Variants in ABCC10 observed in about 807,000 individuals in gnomAD.
ABCC10 encodes ATP-binding cassette sub-family C member 10.
Under a neutral mutation model 143.2 loss-of-function variants are expected in ABCC10, and 110 were observed. The observed-to-expected ratio is 0.77, with a 90% CI of 0.66 to 0.90. The LOEUF (loss-of-function observed/expected upper bound fraction) is 0.90, where lower values mean the gene tolerates loss of function less well. Ranked by LOEUF, ABCC10 falls within the 40% of genes least tolerant of loss-of-function variation. ABCC10 has a pLI of 0.00. For synonymous variants in ABCC10, 805 were observed against 846.7 expected (o/e 0.95, Z 0.85); for missense variants, 1,700 against 1,900.5 (o/e 0.89, Z 1.96).
At chr6:43,448,550 C>T (rs1581794775) in intron 18 of ABCC10, among the ~76,000 whole-genome samples, 5 of 152,332 alleles carry the variant, frequency 3.3e-5, no homozygotes, top group African/African-American at 7.2e-5. Flanking sequence ...TCATTCCCTG[C>T]GTAGCCACTG....
chr6:43,434,665 C>T lies in ABCC10; in HGVS notation c.1425C>T (p.Cys475=), dbSNP rs750202393. 1.1e-5 allele frequency: 18 copies of T among 1,613,966 alleles called. No homozygotes were observed. The highest frequency in any genetic ancestry group is 2.2e-5 in the East Asian group (1 of 44,896). The change falls in exon 4 of 22, where the codon TGC becomes TGT. Residue 475 remains cysteine (C), a synonymous_variant. Transcript: ENST00000372530. ...LLSGIRVIKF[C]GWEQALGARV... is the part of the protein sequence containing the mutation. ...GTGGCATTCGGGTCATCAAGTTCTG[C>T]GGGTGGGAGCAGGCACTGGGAGCCC... is the stretch of plus-strand genomic sequence containing the variant.
At chr6:43,448,662 C>T (rs575433109) in intron 18 of ABCC10, among the ~76,000 whole-genome samples, 3 of 152,224 alleles carry the variant, frequency 2.0e-5, no homozygotes, top group Admixed American at 2.0e-4. Flanking sequence ...CAGAGTCCAG[C>T]CTTTGGTTTC....
In ABCC10 at chr6:43,437,949, A is replaced by G. The variant is rs1007769128; in HGVS notation, c.1891A>G (p.Ile631Val). 2 of 1,613,174 alleles carry G rather than the reference A, an allele frequency of 1.2e-6. No individual in the cohort carries two copies. Among genetic ancestry groups the G allele is most frequent in the South Asian group, 1.1e-5 (1 of 90,664 alleles). Residue 631 changes from isoleucine (I) to valine (V), a missense_variant, in exon 7 of 22, where the codon ATC (isoleucine) becomes GTC (valine). Ile to Val is a conservative substitution (Grantham distance 29). Coordinates refer to ENST00000372530, the MANE Select transcript of ABCC10 (RefSeq NM_001198934.2). The part of the protein sequence containing the change: ...LEVKKGMLVG[I>V]VGKVGCGKSS... ...TTCCTTGCAGGGTATGCTGGTGGGCATCGTGGGGAAGGTCGGCTGTGGGAA... is the reference window on the plus strand; with the variant it reads ...TTCCTTGCAGGGTATGCTGGTGGGCGTCGTGGGGAAGGTCGGCTGTGGGAA...
intron 9 of ABCC10, 69 bp from the exon 10 acceptor site, chr6:43,442,901 G>A: frequency 7.2e-7 from 1 of 1,385,878 alleles, no homozygotes; most frequent in African/African-American, 1.5e-5. Flanking sequence ...TGTCTTCTCT[G>A]ATCACTTTGA....
chr6:43,440,092 G>A (rs948707699), intron 8 of ABCC10, among the ~76,000 whole-genome samples: 2 of 152,094 alleles, frequency 1.3e-5, no homozygotes, highest in South Asian at 4.1e-4. Context: ...GAGTAGCTGG[G>A]ACTACAGGTG....
rs1412106735 is a variant in ABCC10, at chr6:43,434,677, G to A, written c.1437G>A (p.Gln479=). The A allele has an allele frequency of 3.1e-6, 5 of 1,614,172 alleles. No homozygotes were observed. Among genetic ancestry groups the A allele is most frequent in the Middle Eastern group, 1.6e-4 (1 of 6,062 alleles). ...TCATCAAGTTCTGCGGGTGGGAGCA[G>A]GCACTGGGAGCCCGAGTAGAGGCCT... The part of the protein sequence containing the change: ...IRVIKFCGWE[Q]ALGARVEACR... The change falls in exon 4 of 22, where the codon CAG becomes CAA. Residue 479 remains glutamine (Q), a synonymous_variant. Coordinates refer to ENST00000372530, the MANE Select transcript of ABCC10 (RefSeq NM_001198934.2).
In ABCC10 at chr6:43,432,664, G is replaced by A; in HGVS notation, c.684G>A (p.Trp228Ter). The A allele has an allele frequency of 1.2e-6, 2 of 1,613,944 alleles. No individual in the cohort carries two copies. Among genetic ancestry groups the A allele is most frequent in the Non-Finnish European group, 1.7e-6 (2 of 1,180,022 alleles). ...GGCTGTCACGCTTTTCCTATGCCTGGCTGGCACCCTTGCTGGCCCGTGGGG... is the reference window on the plus strand; with the variant it reads ...GGCTGTCACGCTTTTCCTATGCCTGACTGGCACCCTTGCTGGCCCGTGGGG... ...ESWLSRFSYA[W>*]LAPLLARGAC... Residue 228 changes from tryptophan to a stop codon, truncating the protein, a stop_gained, in exon 3 of 22, where the codon TGG becomes TGA. Coordinates refer to ENST00000372530, the MANE Select transcript of ABCC10 (RefSeq NM_001198934.2). LOFTEE classifies it high-confidence loss of function.
Position 43,438,688 on chromosome 6 carries a change from T to C in ABCC10, c.2020T>C (p.Trp674Arg), listed in dbSNP as rs1782010159. ...KGFGLATQEPWIQFATIRDNI... is the reference protein window; with the variant it reads ...KGFGLATQEPRIQFATIRDNI... ...CTTTGGCCTGGCCACCCAGGAACCC[T>C]GGATCCAGTTTGCCACCATCCGAGA... The change falls in exon 8 of 22, where the codon TGG becomes CGG. Residue 674 changes from tryptophan (W) to arginine (R), a missense_variant. By Grantham distance (101) the Trp-to-Arg change is moderately radical (BLOSUM62 -3). Transcript: ENST00000372530. The C allele has an allele frequency of 1.2e-6, 2 of 1,614,112 alleles. No homozygotes were observed. Among genetic ancestry groups the C allele is most frequent in the Non-Finnish European group, 1.7e-6 (2 of 1,180,044 alleles).
At chr6:43,439,102 C>T (rs1782055126) in intron 8 of ABCC10, among the ~76,000 whole-genome samples, 1 of 152,168 alleles carries the variant, frequency 6.6e-6, no homozygotes, top group South Asian at 2.1e-4. Flanking sequence ...TCCATACCCA[C>T]TTCCCACTGG....
In ABCC10 at chr6:43,427,968, G is replaced by T; in HGVS notation, c.-11G>T. ...CCGTCACCCTCAACTTTCCCTTCAGGTGAGGCGTCCATGGAACGACTTCTG... is the reference window on the plus strand; with the variant it reads ...CCGTCACCCTCAACTTTCCCTTCAGTTGAGGCGTCCATGGAACGACTTCTG... On this transcript the variant is annotated splice_region_variant and 5_prime_UTR_variant, in exon 2 of 22. Coordinates refer to ENST00000372530, the MANE Select transcript of ABCC10 (RefSeq NM_001198934.2). 3.7e-6 allele frequency: 6 copies of T among 1,612,212 alleles called. No homozygotes were observed. Among genetic ancestry groups the T allele is most frequent in the Non-Finnish European group, 5.1e-6 (6 of 1,179,610 alleles).
At position 43,449,797 on chromosome 6, in the gene ABCC10, C is replaced by T. The variant is rs1581803247; in HGVS notation, c.4317-132C>T. ...AGGGACTCTGCAGTCCCTTCCCCAG[C>T]ACCAAGCCAGGGGCTAAAGCCTGTG... is the stretch of plus-strand genomic sequence containing the variant. On this transcript the variant is annotated intron_variant, in intron 21 of 21. Coordinates refer to ENST00000372530, the MANE Select transcript of ABCC10 (RefSeq NM_001198934.2). 7.0e-6 allele frequency: 8 copies of T among 1,139,734 alleles called. No homozygotes were observed. The South Asian group carries it at 1.2e-4, about 17-fold the overall frequency. 70.6% of individuals were successfully genotyped at this position (1,139,734 alleles called of 1,614,324 possible). A position where few individuals can be genotyped will look rare whatever the true frequency, so the allele number is the denominator to read the frequency against.
At position 43,433,182 on chromosome 6, in the gene ABCC10, C is replaced by G. The variant is rs774789602; in HGVS notation, c.1202C>G (p.Ala401Gly). 5.0e-6 allele frequency: 8 copies of G among 1,614,116 alleles called. No homozygotes were observed. The highest frequency in any genetic ancestry group is 3.3e-5 in the South Asian group (3 of 91,086). ...AACTTTGCTGGGAGCTTCCATGAAG[C>G]CTGGGGCCTGCCCCTGCAACTGGCC... ...LLNFAGSFHE[A>G]WGLPLQLAIT... is the part of the protein sequence containing the mutation. Residue 401 changes from alanine (A) to glycine (G), a missense_variant, in exon 3 of 22, where the codon GCC (alanine) becomes GGC (glycine). Transcript: ENST00000372530.
At chr6:43,438,522 G>C in intron 7 of ABCC10, 102 bp from the exon 8 acceptor site, 4 of 1,507,144 alleles carry the variant, frequency 2.7e-6, no homozygotes, top group South Asian at 2.6e-5. Context: ...GGGACCCTGT[G>C]TAGAAGACAG....
chr6:43,432,222 T>C lies in ABCC10; in HGVS notation c.242T>C (p.Leu81Pro), dbSNP rs1438996895. Reference sequence around the variant, plus strand: ...TCCTTCCTGCTTTCCGTCTTCCCGCTGCTAGACCTTCTTCCAGTTGCTTTG... The same window carrying C: ...TCCTTCCTGCTTTCCGTCTTCCCGCCGCTAGACCTTCTTCCAGTTGCTTTG... ...AASFLLSVFP[L>P]LDLLPVALPP... The change falls in exon 3 of 22, where the codon CTG becomes CCG. Residue 81 changes from leucine (L) to proline (P), a missense_variant. Transcript: ENST00000372530. The C allele has an allele frequency of 8.1e-6, 13 of 1,614,128 alleles. No individual in the cohort carries two copies. The highest frequency in any genetic ancestry group is 2.5e-6 in the Non-Finnish European group (3 of 1,180,046).
At position 43,433,250 on chromosome 6, in the gene ABCC10, G is replaced by C. The variant is rs1247070752; in HGVS notation, c.1270G>C (p.Val424Leu). 1.2e-6 allele frequency: 2 copies of C among 1,614,058 alleles called. No individual in the cohort carries two copies. The highest frequency in any genetic ancestry group is 8.5e-7 in the Non-Finnish European group (1 of 1,180,010). The change falls in exon 3 of 22, where the codon GTG (valine) becomes CTG (leucine). Residue 424 changes from valine to leucine, a missense_variant. Transcript: ENST00000372530. ...GTACCAGCAGGTAGGCGTGGCCTTC[G>C]TGGGTGGTCTCATCTTGGCACTGCT... ...LLYQQVGVAF[V>L]GGLILALLLV...
At position 43,447,798 on chromosome 6, in the gene ABCC10, G is replaced by C; in HGVS notation, c.3820G>C (p.Glu1274Gln). 6.2e-7 allele frequency: 1 copy of C among 1,613,664 alleles called. No individual in the cohort carries two copies. The highest frequency in any genetic ancestry group is 8.5e-7 in the Non-Finnish European group (1 of 1,180,034). Residue 1274 changes from glutamate (E) to glutamine (Q), a missense_variant, in exon 18 of 22, where the codon GAG becomes CAG. Glu to Gln is a conservative substitution (Grantham distance 29, BLOSUM62 2). Transcript: ENST00000372530. ...DGVTFCVQPG[E>Q]KLGIVGRTGS... The stretch of plus-strand genomic sequence containing the variant: ...AGTGACCTTCTGCGTGCAGCCTGGA[G>C]AGAAGTTGGGCATCGTGGGCCGCAC...
chr6:43,435,720 T>C, intron 4 of ABCC10, 31 bp from the exon 5 acceptor site: 1 of 1,610,110 alleles, frequency 6.2e-7, no homozygotes, highest in Non-Finnish European at 8.5e-7. Flanking sequence ...AGATAACTCC[T>C]GGGGCTTCAC....
chr6:43,451,299 T>C (rs1271714525), downstream of ABCC10: 1 of 1,605,402 alleles, frequency 6.2e-7, no homozygotes, highest in Non-Finnish European at 8.5e-7. The surrounding 1 kb of genome is among the most constrained non-coding windows in gnomAD (Gnocchi z 4.4). Flanking sequence ...AGAGAGGACA[T>C]GATAACCAAC....
At chr6:43,427,842 T>C (rs1359179148) in intron 1 of ABCC10, 85 bp downstream of exon 1, 4 of 1,094,994 alleles carry the variant, frequency 3.7e-6, no homozygotes, top group South Asian at 1.3e-5. Context: ...GGGGTCTGGC[T>C]TCGGGGCGGA....
Sources: allele counts gnomAD v4.1 joint callset (sites outside exome capture counted in the v4.1 genomes callset), GRCh38; gene constraint gnomAD v4.1.1; non-coding constraint Gnocchi (gnomAD v3.1); transcripts MANE v1.5; gene names NCBI Gene and HGNC (gene_info 2026-07-23, HGNC 2026-07-21).